Variants in DLG2 observed in about 807,000 individuals in gnomAD.
DLG2 encodes discs large MAGUK scaffold protein 2.
In DLG2, 45 loss-of-function variants were observed where a neutral mutation model predicts 132.5. The observed-to-expected ratio is 0.34, with a 90% CI of 0.27 to 0.44. The LOEUF (loss-of-function observed/expected upper bound fraction) is 0.44. DLG2 is among the 20% of genes least tolerant of loss of function. DLG2 has a pLI of 1.00. For synonymous variants in DLG2, 424 were observed against 419.6 expected, an observed-to-expected ratio of 1.01 and a Z score of -0.13; for missense variants, 1,045 against 1,196.9, an observed-to-expected ratio of 0.87 and a Z score of 1.87.
chr11:85,495,142 G>T (rs2093642126), intron 3 of DLG2, among the ~76,000 whole-genome samples: 2 of 152,028 alleles, frequency 1.3e-5, no homozygotes, highest in African/African-American at 4.8e-5. Context: ...ACAGAAATAA[G>T]CAAATACTCA....
chr11:84,502,275 C>T lies in DLG2; in HGVS notation c.519+32295G>A, dbSNP rs868509011. ...CCTTCCTTCCTTCCTTCCTTCCTTC[C>T]TTCCTTCTTTCTTTCTTTCTTTCTT... is the stretch of plus-strand genomic sequence containing the variant. On this transcript the variant is annotated intron_variant, in intron 7 of 27. Coordinates refer to ENST00000376104, the MANE Select transcript of DLG2 (RefSeq NM_001142699.3). 7.4e-3 allele frequency among the ~76,000 whole-genome samples: 156 copies of T among 21,082 alleles called. 26 individuals are homozygous for T. Among genetic ancestry groups the T allele is most frequent in the South Asian group, 0.038 (17 of 442 alleles). The allele number at this position is 21,082 out of a possible 152,430, so 13.8% of individuals were successfully genotyped here.
At chr11:84,429,783 C>T (rs185111953) in intron 7 of DLG2, among the ~76,000 whole-genome samples, 1 of 152,184 alleles carries the variant, frequency 6.6e-6, no homozygotes, top group African/African-American at 2.4e-5. Flanking sequence ...GAGAATGTCT[C>T]CTTTCATCTT....
chr11:83,707,918 C>T (rs1295701585), intron 18 of DLG2, among the ~76,000 whole-genome samples: 1 of 152,146 alleles, frequency 6.6e-6, no homozygotes, highest in Non-Finnish European at 1.5e-5. Context: ...GTCATATGGG[C>T]CTGAGTTAGA....
chr11:84,506,754 C>T (rs1052486023), intron 7 of DLG2, among the ~76,000 whole-genome samples: 6 of 151,862 alleles, frequency 4.0e-5, no homozygotes, highest in African/African-American at 1.5e-4. Context: ...TATTATAGAG[C>T]GAATAATATT....
At chr11:84,577,288 C>A (rs1311799558) in intron 6 of DLG2, among the ~76,000 whole-genome samples, 1 of 151,998 alleles carries the variant, frequency 6.6e-6, no homozygotes, top group Non-Finnish European at 1.5e-5. Context: ...GAAAAGATAC[C>A]CAAAAATGTG....
At chr11:84,933,463 G>T (rs2048331812) in intron 6 of DLG2, among the ~76,000 whole-genome samples, 1 of 152,072 alleles carries the variant, frequency 6.6e-6, no homozygotes, top group Non-Finnish European at 1.5e-5. Flanking sequence ...GGGCAGTATG[G>T]CCATTTTAAT....
chr11:84,463,077 C>G (rs990944181), intron 7 of DLG2, among the ~76,000 whole-genome samples: 9 of 151,138 alleles, frequency 6.0e-5, no homozygotes, highest in Admixed American at 5.3e-4. Flanking sequence ...TCTGAGCCAG[C>G]ACCTTTGACT....
At chr11:85,287,218 TAAAG>T (rs1275941228) in intron 3 of DLG2, among the ~76,000 whole-genome samples, 10 of 151,766 alleles carry the variant, frequency 6.6e-5, no homozygotes, top group Admixed American at 6.6e-4. Context: ...TATGTATCAA[TAAAG>T]AAAGCAAAAA....
intron 7 of DLG2, 35 bp downstream of exon 7, chr11:84,534,534 CA>C: frequency 6.2e-7 from 1 of 1,601,744 alleles, no homozygotes. Context: ...CAACTACTGT[CA>C]CCAACTATAA....
intron 18 of DLG2, among the ~76,000 whole-genome samples, chr11:83,775,549 C>T (rs534855178): frequency 6.6e-6 from 1 of 152,290 alleles, no homozygotes; most frequent in East Asian, 1.9e-4. Context: ...AGGTGTCAGG[C>T]CTGTAGTGAG....
chr11:84,652,132 A>G (rs780885634), intron 6 of DLG2, among the ~76,000 whole-genome samples: 101 of 152,304 alleles, frequency 6.6e-4, no homozygotes, highest in South Asian at 2.3e-3. Context: ...TGAATACATG[A>G]AGAATGTTCT....
intron 21 of DLG2, among the ~76,000 whole-genome samples, chr11:83,515,593 C>G (rs1045855186): frequency 6.6e-6 from 1 of 152,144 alleles, no homozygotes; most frequent in Non-Finnish European, 1.5e-5. Context: ...TCTTGCTTCT[C>G]TAGTTCTTTT....
At chr11:84,168,581 T>C (rs1352979221) in intron 8 of DLG2, among the ~76,000 whole-genome samples, 1 of 152,170 alleles carries the variant, frequency 6.6e-6, no homozygotes, top group Non-Finnish European at 1.5e-5. Flanking sequence ...CTAGCAATGA[T>C]GACTATGTGA....
chr11:85,467,857 A>C (rs528905747), intron 3 of DLG2, among the ~76,000 whole-genome samples: 1 of 152,200 alleles, frequency 6.6e-6, no homozygotes, highest in African/African-American at 2.4e-5. Flanking sequence ...CTCTTTTTCT[A>C]CTCATTGGAA....
At chr11:84,385,194 C>T (rs1032989359) in intron 7 of DLG2, among the ~76,000 whole-genome samples, 2 of 151,932 alleles carry the variant, frequency 1.3e-5, no homozygotes, top group African/African-American at 4.8e-5. Flanking sequence ...CCATTTAGAT[C>T]TCTAAATCAT....
intron 18 of DLG2, among the ~76,000 whole-genome samples, chr11:83,743,449 T>TA (rs1555372681): frequency 4.0e-5 from 5 of 124,092 alleles, no homozygotes; most frequent in South Asian, 2.6e-4. Context: ...TTTTTTTTTT[T>TA]ATGACAGGGT....
At chr11:84,538,244 C>T (rs1266773904) in intron 6 of DLG2, among the ~76,000 whole-genome samples, 1 of 152,156 alleles carries the variant, frequency 6.6e-6, no homozygotes, top group African/African-American at 2.4e-5. Flanking sequence ...GCCAAAGGCA[C>T]AACATGTGAA....
chr11:84,323,981 C>T (rs1050629695), intron 7 of DLG2, among the ~76,000 whole-genome samples: 9 of 151,896 alleles, frequency 5.9e-5, no homozygotes, highest in African/African-American at 1.4e-4. Flanking sequence ...GTATATACTT[C>T]GCAAATATTT....
intron 9 of DLG2, among the ~76,000 whole-genome samples, chr11:84,160,420 G>T (rs2095520746): frequency 6.6e-6 from 1 of 152,204 alleles, no homozygotes; most frequent in Non-Finnish European, 1.5e-5. Context: ...AATTTAGCAA[G>T]ATGGAACCAG....
Sources: gnomAD v4.1 joint callset for allele counts (sites outside exome capture counted in the v4.1 genomes callset) on GRCh38, gnomAD v4.1.1 for gene constraint, MANE v1.5 for transcripts, NCBI Gene and HGNC (gene_info 2026-07-23, HGNC 2026-07-21) for gene names.